NAV2: variants seen among roughly 807,000 people sequenced by gnomAD.
NAV2 encodes the protein neuron navigator 2.
NAV2 carries 54 observed loss-of-function variants against 223.2 expected under a neutral mutation model. That is an observed-to-expected ratio of 0.24 (90% CI 0.19 to 0.30). The LOEUF is 0.30. Ranked by LOEUF, NAV2 falls within the 10% of genes least tolerant of loss-of-function variation. The pLI is 1.00. For missense variants in NAV2, 2,806 were observed against 3,147.5 expected (o/e 0.89, Z 2.60); for synonymous variants, 1,279 against 1,239.3 (o/e 1.03, Z -0.67).
intron 14 of NAV2, among the ~76,000 whole-genome samples, chr11:20,047,433 T>G (rs762151497): frequency 5.9e-5 from 9 of 152,224 alleles, no homozygotes; most frequent in Non-Finnish European, 1.3e-4. Context: ...TTTCAAGGAC[T>G]AACAGACCAA....
At chr11:19,439,003 G>A (rs1851307875) in intron 1 of NAV2, among the ~76,000 whole-genome samples, 1 of 152,082 alleles carries the variant, frequency 6.6e-6, no homozygotes, top group Non-Finnish European at 1.5e-5. Context: ...ATTGGGGAGT[G>A]GAGAGGGCTG....
chr11:19,770,390 G>A (rs2055615577), intron 1 of NAV2, among the ~76,000 whole-genome samples: 1 of 152,122 alleles, frequency 6.6e-6, no homozygotes. Flanking sequence ...GCAGCTCCTG[G>A]GAGGGTGGGA....
chr11:19,514,374 C>T (rs180883464), intron 1 of NAV2, among the ~76,000 whole-genome samples: 27 of 152,294 alleles, frequency 1.8e-4, no homozygotes, highest in Non-Finnish European at 3.4e-4. Flanking sequence ...ACACATTCTG[C>T]AGCTCTTTAA....
At chr11:19,625,859 A>T (rs2047154996) in intron 1 of NAV2, among the ~76,000 whole-genome samples, 1 of 152,052 alleles carries the variant, frequency 6.6e-6, no homozygotes, top group South Asian at 2.1e-4. Context: ...CTTTTGAGAA[A>T]TGTCTGTCCA....
intron 6 of NAV2, among the ~76,000 whole-genome samples, chr11:19,914,852 C>T (rs1458286328): frequency 6.6e-6 from 1 of 152,204 alleles, no homozygotes; most frequent in Non-Finnish European, 1.5e-5. Context: ...CCTGTTGTTC[C>T]TGTTCTTAAA....
chr11:20,075,208 T>C (rs563729431), intron 22 of NAV2, among the ~76,000 whole-genome samples: 1 of 107,952 alleles, frequency 9.3e-6, no homozygotes, highest in South Asian at 3.8e-4. Flanking sequence ...CCATGTTTTT[T>C]GTTTTTTTGT....
intron 1 of NAV2, among the ~76,000 whole-genome samples, chr11:19,608,430 A>G (rs1238865223): frequency 6.6e-6 from 1 of 152,268 alleles, no homozygotes; most frequent in East Asian, 1.9e-4. Flanking sequence ...CATGAACACA[A>G]TGATACCCGT....
chr11:19,385,753 CTT>C (rs201669772), intron 1 of NAV2, among the ~76,000 whole-genome samples: 28 of 112,766 alleles, frequency 2.5e-4, no homozygotes, highest in African/African-American at 8.7e-4. Context: ...AATATAGCTC[CTT>C]TTTTTTTTTT....
At chr11:19,773,388 G>A (rs770999240) in intron 1 of NAV2, among the ~76,000 whole-genome samples, 2 of 152,150 alleles carry the variant, frequency 1.3e-5, no homozygotes, top group African/African-American at 4.8e-5. Flanking sequence ...ACCCTACCTC[G>A]TGGCTACCAT....
chr11:20,018,047 C>T (rs1260752690), intron 11 of NAV2, among the ~76,000 whole-genome samples: 3 of 151,840 alleles, frequency 2.0e-5, no homozygotes, highest in African/African-American at 7.3e-5. Flanking sequence ...ATTAAGGAAA[C>T]AAAAAGTCAG....
rs117381046 is a variant in NAV2, at chr11:19,966,294, C to T, written c.2645+17214C>T. On this transcript the variant is annotated intron_variant, in intron 10 of 37. Coordinates refer to ENST00000349880, the MANE Select transcript of NAV2 (RefSeq NM_145117.5). ...TCACAACAATATATCCCCATACCACCCAGTGTGATATACACGGCCCTCCCT... is the reference window on the plus strand; with the variant it reads ...TCACAACAATATATCCCCATACCACTCAGTGTGATATACACGGCCCTCCCT... Among the ~76,000 whole-genome samples the T allele has an allele frequency of 4.8e-3, 736 of 152,224 alleles. 12 individuals are homozygous for T. The highest frequency in any genetic ancestry group is 0.034 in the South Asian group (166 of 4,818).
intron 1 of NAV2, chr11:19,777,342 C>A: frequency 3.7e-6 from 1 of 270,486 alleles, no homozygotes; most frequent in Non-Finnish European, 7.1e-6. Context: ...GGAGGGGCCG[C>A]GGCCGAGAGG....
At chr11:19,970,371 G>A (rs1399424384) in intron 10 of NAV2, among the ~76,000 whole-genome samples, 4 of 152,308 alleles carry the variant, frequency 2.6e-5, no homozygotes, top group South Asian at 2.1e-4. Context: ...GTTTCACCAT[G>A]TTGGCCAGGC....
chr11:19,859,650 G>A (rs1400729118), intron 3 of NAV2, among the ~76,000 whole-genome samples: 4 of 152,070 alleles, frequency 2.6e-5, no homozygotes, highest in South Asian at 4.1e-4. Flanking sequence ...TCAATGAGCT[G>A]TTGAGTACAC....
chr11:19,834,503 G>C (rs2060129598), intron 2 of NAV2, among the ~76,000 whole-genome samples: 1 of 151,852 alleles, frequency 6.6e-6, no homozygotes, highest in Non-Finnish European at 1.5e-5. Context: ...TGTACTCCTT[G>C]CTAAGAATAA....
intron 1 of NAV2, among the ~76,000 whole-genome samples, chr11:19,654,314 G>T (rs2048054622): frequency 6.6e-6 from 1 of 152,132 alleles, no homozygotes; most frequent in Non-Finnish European, 1.5e-5. Flanking sequence ...TGGCCATACT[G>T]CCAAAGGTAA....
intron 2 of NAV2, among the ~76,000 whole-genome samples, chr11:19,834,634 A>G (rs1250799276): frequency 1.3e-5 from 2 of 152,072 alleles, no homozygotes; most frequent in Non-Finnish European, 2.9e-5. Context: ...ACATCAGCAG[A>G]ATCACATTAT....
intron 1 of NAV2, among the ~76,000 whole-genome samples, chr11:19,515,631 T>C (rs534334948): frequency 6.6e-6 from 1 of 152,182 alleles, no homozygotes; most frequent in Non-Finnish European, 1.5e-5. Context: ...CTTAAATAGT[T>C]TGACAACCCA....
At chr11:19,987,495 T>C (rs2050900110) in intron 11 of NAV2, among the ~76,000 whole-genome samples, 1 of 152,152 alleles carries the variant, frequency 6.6e-6, no homozygotes. Context: ...ATAAGAAAAT[T>C]AATAACCACA....
Sources: allele counts gnomAD v4.1 joint callset (sites outside exome capture counted in the v4.1 genomes callset), GRCh38; gene constraint gnomAD v4.1.1; transcripts MANE v1.5; gene names NCBI Gene and HGNC (gene_info 2026-07-23, HGNC 2026-07-21).